Variants in SGTB observed in about 807,000 individuals in gnomAD.
SGTB encodes small glutamine-rich tetratricopeptide repeat-containing protein beta.
In SGTB, 19 loss-of-function variants were observed where a neutral mutation model predicts 43.9. That is an observed-to-expected ratio of 0.43 (90% CI 0.30 to 0.63). SGTB has a LOEUF of 0.63. SGTB is among the 30% of genes least tolerant of loss of function. SGTB has a pLI of 0.12. For missense variants in SGTB, 304 were observed against 358.9 expected, an observed-to-expected ratio of 0.85 and a Z score of 1.24; for synonymous variants, 116 against 117.3, an observed-to-expected ratio of 0.99 and a Z score of 0.07.
chr5:65,680,860 C>G (rs3213798), intron 6 of SGTB, 66 bp from the exon 7 acceptor site: 3 of 1,484,802 alleles, frequency 2.0e-6, no homozygotes, highest in Non-Finnish European at 2.8e-6. Flanking sequence ...TCACAAACAT[C>G]GTCAAACGTC....
intron 5 of SGTB, among the ~76,000 whole-genome samples, chr5:65,688,118 G>A (rs1394476982): frequency 6.6e-6 from 1 of 152,092 alleles, no homozygotes; most frequent in Non-Finnish European, 1.5e-5. Context: ...TTTCATCTAA[G>A]AATTCACAAC....
chr5:65,710,375 T>C (rs1204910820), intron 3 of SGTB, among the ~76,000 whole-genome samples: 1 of 152,198 alleles, frequency 6.6e-6, no homozygotes, highest in African/African-American at 2.4e-5. Context: ...TTTGCGAAAA[T>C]TGCCACTGTT....
intron 5 of SGTB, among the ~76,000 whole-genome samples, chr5:65,701,072 C>T (rs1238212588): frequency 1.5e-5 from 2 of 136,240 alleles, no homozygotes; most frequent in Non-Finnish European, 3.2e-5. Flanking sequence ...TTAACTAAAA[C>T]CAACCGACAG....
At chr5:65,696,843 C>A (rs570597994) in intron 5 of SGTB, among the ~76,000 whole-genome samples, 2 of 151,908 alleles carry the variant, frequency 1.3e-5, no homozygotes, top group Non-Finnish European at 2.9e-5. Context: ...CCTAAAAGGC[C>A]AAAATAGAAG....
chr5:65,683,113 G>A (rs1330830219), intron 6 of SGTB, among the ~76,000 whole-genome samples: 1 of 151,390 alleles, frequency 6.6e-6, no homozygotes, highest in African/African-American at 2.4e-5. Flanking sequence ...TTCTCCATAA[G>A]GCACATTACA....
intron 8 of SGTB, among the ~76,000 whole-genome samples, chr5:65,676,100 C>T (rs1371351099): frequency 6.6e-6 from 1 of 152,080 alleles, no homozygotes; most frequent in African/African-American, 2.4e-5. Context: ...ACCCACTATA[C>T]ATACAAAGAC....
chr5:65,670,446 C>G, intron 10 of SGTB, 89 bp from the exon 11 acceptor site: 1 of 1,018,718 alleles, frequency 9.8e-7, no homozygotes, highest in Non-Finnish European at 1.5e-6. Flanking sequence ...TAGGAGCTAC[C>G]TAAAGGGGGC....
At chr5:65,709,801 A>G (rs571343018) in intron 3 of SGTB, among the ~76,000 whole-genome samples, 1 of 152,058 alleles carries the variant, frequency 6.6e-6, no homozygotes. Flanking sequence ...GGGTCTCCCT[A>G]TGTTGCTCAG....
chr5:65,671,805 C>G, intron 10 of SGTB, 110 bp downstream of exon 10: 1 of 977,290 alleles, frequency 1.0e-6, no homozygotes, highest in Non-Finnish European at 1.5e-6. Flanking sequence ...GCTAAAGTTA[C>G]TAACGGTAAA....
At chr5:65,722,509 G>T, upstream of SGTB, 3 of 1,172,420 alleles carry the variant, frequency 2.6e-6, no homozygotes, top group African/African-American at 1.6e-5. Context: ...TCCCGACCGC[G>T]CCTCTCCGAC....
chr5:65,708,873 T>C (rs1176806484), intron 3 of SGTB, among the ~76,000 whole-genome samples: 2 of 152,066 alleles, frequency 1.3e-5, no homozygotes, highest in South Asian at 2.1e-4. Flanking sequence ...AAACCCCGTC[T>C]CTATAGAAAA....
At chr5:65,681,502 A>C (rs1019502036) in intron 6 of SGTB, among the ~76,000 whole-genome samples, 4 of 152,174 alleles carry the variant, frequency 2.6e-5, no homozygotes, top group Admixed American at 2.0e-4. Context: ...GGTTTGTTTT[A>C]AACAAATTAC....
chr5:65,714,950 T>C (rs186815992), intron 2 of SGTB, among the ~76,000 whole-genome samples: 68 of 152,336 alleles, frequency 4.5e-4, no homozygotes, highest in African/African-American at 1.5e-3. Flanking sequence ...AACTAAATTA[T>C]GTTTAGAACT....
chr5:65,689,762 G>A (rs1221477795), intron 5 of SGTB, among the ~76,000 whole-genome samples: 1 of 152,084 alleles, frequency 6.6e-6, no homozygotes, highest in Non-Finnish European at 1.5e-5. Context: ...GAGAAGTCTG[G>A]CAGACTATAG....
chr5:65,688,388 G>T (rs752153906), intron 5 of SGTB, among the ~76,000 whole-genome samples: 4 of 152,168 alleles, frequency 2.6e-5, no homozygotes, highest in Non-Finnish European at 4.4e-5. Flanking sequence ...AACAGCAAAT[G>T]CCTCAATCTC....
At chr5:65,722,350 C>A, upstream of SGTB, 2 of 1,547,846 alleles carry the variant, frequency 1.3e-6, no homozygotes, top group Non-Finnish European at 1.7e-6. Context: ...ACGCGCCCGC[C>A]GCCGCCAGCC....
At chr5:65,689,806 A>C (rs1178016911) in intron 5 of SGTB, among the ~76,000 whole-genome samples, 1 of 152,142 alleles carries the variant, frequency 6.6e-6, no homozygotes, top group Admixed American at 6.6e-5. Context: ...TTTTCTGCCA[A>C]TCTTTCTTCA....
chr5:65,682,420 G>A (rs1410512111), intron 6 of SGTB, among the ~76,000 whole-genome samples: 4 of 152,180 alleles, frequency 2.6e-5, no homozygotes, highest in African/African-American at 9.7e-5. Context: ...GGATCTACAT[G>A]GGCAGAAGGG....
At chr5:65,703,263 T>C (rs139949891) in intron 5 of SGTB, among the ~76,000 whole-genome samples, 25 of 152,342 alleles carry the variant, frequency 1.6e-4, no homozygotes, top group African/African-American at 4.6e-4. Context: ...ACTTCTTTGC[T>C]AGCCACAATG....
Sources: allele counts gnomAD v4.1 joint callset (sites outside exome capture counted in the v4.1 genomes callset), GRCh38; gene constraint gnomAD v4.1.1; transcripts MANE v1.5; gene names NCBI Gene and HGNC (gene_info 2026-07-23, HGNC 2026-07-21).